The following SYNPR variants were observed in gnomAD, a reference collection of about 807,000 sequenced individuals.
SYNPR encodes synaptoporin.
Under a neutral mutation model 32.9 loss-of-function variants are expected in SYNPR, and 23 were observed. The ratio of observed to expected loss-of-function variants is 0.70; its 90% CI spans 0.50 to 0.99. The LOEUF is 0.99. Ranked by LOEUF, SYNPR falls within the 50% of genes least tolerant of loss-of-function variation. SYNPR has a pLI of 0.00. For missense variants in SYNPR, 318 were observed against 349.3 expected (o/e 0.91, Z 0.71); for synonymous variants, 146 against 135.9 (o/e 1.07, Z -0.52).
intron 2 of SYNPR, among the ~76,000 whole-genome samples, chr3:63,332,873 C>T (rs914850487): frequency 6.6e-6 from 1 of 152,094 alleles, no homozygotes; most frequent in Non-Finnish European, 1.5e-5. Context: ...TTTGGGCTGC[C>T]TGGTCCCTTG....
chr3:63,264,217 A>G (rs1009357387), intron 2 of SYNPR, among the ~76,000 whole-genome samples: 3 of 152,198 alleles, frequency 2.0e-5, no homozygotes, highest in African/African-American at 7.2e-5. Flanking sequence ...CAGGGGTTCC[A>G]TACATTGAGA....
intron 2 of SYNPR, among the ~76,000 whole-genome samples, chr3:63,460,539 C>A (rs1575656154): frequency 1.3e-5 from 1 of 77,300 alleles, no homozygotes. Flanking sequence ...ATAATCCAGG[C>A]AAAGACAACA....
intron 2 of SYNPR, among the ~76,000 whole-genome samples, chr3:63,317,978 GTCTGAAAATGACTGTA>G (rs2087061131): frequency 6.6e-6 from 1 of 151,964 alleles, no homozygotes. Flanking sequence ...GCATTTGTTT[GTCTGAAAATGACTGTA>G]TCTTTCCTTC....
At chr3:63,406,259 G>T (rs968633383) in intron 2 of SYNPR, among the ~76,000 whole-genome samples, 1 of 151,184 alleles carries the variant, frequency 6.6e-6, no homozygotes, top group African/African-American at 2.4e-5. Context: ...CAACATCCCT[G>T]TATTTTCAGT....
intron 4 of SYNPR, among the ~76,000 whole-genome samples, chr3:63,602,108 A>C (rs192402387): frequency 1.1e-3 from 173 of 152,298 alleles, no homozygotes; most frequent in African/African-American, 3.8e-3. Context: ...GATGTTGGGC[A>C]CTTTTTCATA....
At chr3:63,366,499 C>CA (rs67762866) in intron 2 of SYNPR, among the ~76,000 whole-genome samples, 20,530 of 152,140 alleles carry the variant, frequency 0.13, 2,146 homozygotes, top group East Asian at 0.57. Context: ...TTATAGATAA[C>CA]AGTTTTACCT....
intron 3 of SYNPR, among the ~76,000 whole-genome samples, chr3:63,268,850 G>A (rs1285879645): frequency 6.6e-6 from 1 of 152,156 alleles, no homozygotes; most frequent in African/African-American, 2.4e-5. Context: ...GAATTATTTG[G>A]CACTGAAAGT....
intron 2 of SYNPR, among the ~76,000 whole-genome samples, chr3:63,305,092 A>T (rs1223116071): frequency 6.6e-6 from 1 of 151,932 alleles, no homozygotes; most frequent in Admixed American, 6.6e-5. Flanking sequence ...CCCCTCCCAC[A>T]TTGCACTGAT....
At chr3:63,254,584 G>A (rs61193344) in intron 2 of SYNPR, among the ~76,000 whole-genome samples, 11,848 of 152,118 alleles carry the variant, frequency 0.078, 1,342 homozygotes, top group African/African-American at 0.25. Flanking sequence ...TTTTAGACAA[G>A]GGTCTTGCAA....
At chr3:63,362,027 CA>C (rs1182035366) in intron 2 of SYNPR, among the ~76,000 whole-genome samples, 1 of 152,000 alleles carries the variant, frequency 6.6e-6, no homozygotes, top group East Asian at 1.9e-4. Flanking sequence ...TAGGTGTAGC[CA>C]ATTGGCCAGT....
chr3:63,522,748 A>G (rs1225450871), intron 3 of SYNPR, among the ~76,000 whole-genome samples: 1 of 152,068 alleles, frequency 6.6e-6, no homozygotes, highest in African/African-American at 2.4e-5. Flanking sequence ...CATCCCCAGC[A>G]CAAAACAGCA....
the SYNPR span, among the ~76,000 whole-genome samples, chr3:63,211,779 T>A: frequency 1.4e-5 from 2 of 145,402 alleles, no homozygotes; most frequent in African/African-American, 5.1e-5. Context: ...TACATATGTA[T>A]ACATGTGCCA....
At chr3:63,278,600 A>G (rs1362381713) in intron 1 of SYNPR, 49 bp downstream of exon 1, 1 of 1,550,162 alleles carries the variant, frequency 6.5e-7, no homozygotes, top group African/African-American at 1.4e-5. Flanking sequence ...GGGGCGGGGG[A>G]TGCCGCGGCT....
At chr3:63,333,500 T>C (rs1335992146) in intron 2 of SYNPR, among the ~76,000 whole-genome samples, 1 of 152,178 alleles carries the variant, frequency 6.6e-6, no homozygotes, top group Non-Finnish European at 1.5e-5. Flanking sequence ...CACCGCACCC[T>C]CAACCTCCTG....
chr3:63,256,325 G>C (rs1200943058), intron 2 of SYNPR, among the ~76,000 whole-genome samples: 1 of 152,146 alleles, frequency 6.6e-6, no homozygotes, highest in African/African-American at 2.4e-5. Context: ...CCCCCAGTAG[G>C]GGCAGACTGA....
In SYNPR at chr3:63,246,055, A is replaced by G. The variant is rs552324666; in HGVS notation, n.67-6444A>G. Among the ~76,000 whole-genome samples the G allele has an allele frequency of 1.2e-3, 181 of 152,114 alleles. 3 individuals carry two copies. Among genetic ancestry groups the G allele is most frequent in the Non-Finnish European group, 2.2e-3 (152 of 67,964 alleles). On this transcript the variant is annotated intron_variant and non_coding_transcript_variant, in intron 1 of 4. Transcript: ENST00000478456. Reference sequence around the variant, plus strand: ...TGCTTTTTCTACATTTCTTAGGATAAGTGCCTCCAATGACTTTTAAATATA... The same window carrying G: ...TGCTTTTTCTACATTTCTTAGGATAGGTGCCTCCAATGACTTTTAAATATA...
intron 2 of SYNPR, among the ~76,000 whole-genome samples, chr3:63,326,798 A>G (rs2087173607): frequency 6.6e-6 from 1 of 152,152 alleles, no homozygotes; most frequent in Non-Finnish European, 1.5e-5. Flanking sequence ...TCCTGGTAAG[A>G]ATCAGACTTA....
At chr3:63,306,400 A>G (rs1328515636) in intron 2 of SYNPR, among the ~76,000 whole-genome samples, 2 of 152,092 alleles carry the variant, frequency 1.3e-5, no homozygotes, top group Non-Finnish European at 2.9e-5. Context: ...AGAGGCTGTC[A>G]TTATAAATAG....
Position 63,409,846 on chromosome 3 carries a change from G to T in SYNPR, c.85-70986G>T, listed in dbSNP as rs1052196471. Reference sequence around the variant, plus strand: ...GGAGTTAGGTGTGCCTACATAATTTGCTTTGGTTAATAAAGTATGAGTAGA... The same window carrying T: ...GGAGTTAGGTGTGCCTACATAATTTTCTTTGGTTAATAAAGTATGAGTAGA... On this transcript the variant is annotated intron_variant, in intron 2 of 5. Transcript: ENST00000478300. 3.9e-5 allele frequency among the ~76,000 whole-genome samples: 6 copies of T among 152,078 alleles called. No individual in the cohort carries two copies. The South Asian group carries it at 1.2e-3, about 32-fold the overall frequency.
Sources: allele counts gnomAD v4.1 joint callset (sites outside exome capture counted in the v4.1 genomes callset), GRCh38; gene constraint gnomAD v4.1.1; transcripts MANE v1.5; gene names NCBI Gene and HGNC (gene_info 2026-07-23, HGNC 2026-07-21).